Variants in PPP2R2A observed in about 807,000 individuals in gnomAD.
PPP2R2A encodes the protein protein phosphatase 2 regulatory subunit Balpha, also known as serine/threonine-protein phosphatase 2A 55 kDa regulatory subunit B alpha isoform.
Under a neutral mutation model 53.2 loss-of-function variants are expected in PPP2R2A, and 9 were observed. That is an observed-to-expected ratio of 0.17 (90% CI 0.10 to 0.30). The LOEUF (loss-of-function observed/expected upper bound fraction) is 0.30. Among genes scored for constraint, PPP2R2A ranks in the 10% least tolerant of loss-of-function variants. The pLI is 1.00. For missense variants in PPP2R2A, 235 were observed against 534.6 expected, an observed-to-expected ratio of 0.44 and a Z score of 5.53; for synonymous variants, 169 against 174.2, an observed-to-expected ratio of 0.97 and a Z score of 0.23.
intron 4 of PPP2R2A, among the ~76,000 whole-genome samples, chr8:26,356,393 G>C (rs117001290): frequency 6.6e-6 from 1 of 152,208 alleles, no homozygotes; most frequent in Non-Finnish European, 1.5e-5. Context: ...CGTACCCTCT[G>C]CCTTCTCTGT....
At chr8:26,292,044 CG>C in intron 1 of PPP2R2A, 1 of 738,326 alleles carries the variant, frequency 1.4e-6, no homozygotes, top group East Asian at 2.0e-4. Flanking sequence ...GGGCTGGCGC[CG>C]TGGCGGGGGT....
rs979673760 is a variant in PPP2R2A at position 26,370,059 on chromosome 8, A to G, written c.1065-75A>G. The stretch of plus-strand genomic sequence containing the variant: ...CTTTTGAAGTAGCTTCCTATGGTTT[A>G]ATTGCCGAATCATTTTACTTGAAAA... On this transcript the variant is annotated intron_variant, in intron 9 of 9. Transcript: ENST00000380737. The surrounding 1 kb of genome is among the most constrained non-coding windows in gnomAD (Gnocchi z 6.1). 2.0e-6 allele frequency: 3 copies of G among 1,473,262 alleles called. No individual in the cohort carries two copies. Among genetic ancestry groups the G allele is most frequent in the Non-Finnish European group, 2.8e-6 (3 of 1,074,620 alleles). 91.3% of individuals were successfully genotyped at this position (1,473,262 alleles called of 1,614,324 possible).
chr8:26,305,100 A>G (rs1472465334), intron 2 of PPP2R2A, among the ~76,000 whole-genome samples: 1 of 152,094 alleles, frequency 6.6e-6, no homozygotes, highest in Non-Finnish European at 1.5e-5. Flanking sequence ...AGCTCTTGGC[A>G]GCTACCATTC....
rs368885297 is a variant in PPP2R2A at position 26,306,901 on chromosome 8, C to T, written c.82+13161C>T. ...ATGTATGCTTCTCTCTTCTTTCTCC[C>T]AGTTTCTTCGTCCTCTCACCAGAGA... On this transcript the variant is annotated intron_variant, in intron 2 of 9. Transcript: ENST00000380737. 3.0e-4 allele frequency among the ~76,000 whole-genome samples: 46 copies of T among 152,302 alleles called. No individual in the cohort carries two copies. The East Asian group carries it at 7.7e-3, about 26-fold the overall frequency.
At chr8:26,301,144 A>G (rs7843535) in intron 2 of PPP2R2A, among the ~76,000 whole-genome samples, 2 of 152,096 alleles carry the variant, frequency 1.3e-5, no homozygotes, top group Admixed American at 6.6e-5. Flanking sequence ...TCCTAATATA[A>G]TTTTATTTCA....
chr8:26,362,866 T>G lies in PPP2R2A; in HGVS notation c.802+18T>G, dbSNP rs757544150. 2.5e-6 allele frequency: 4 copies of G among 1,601,970 alleles called. No individual in the cohort carries two copies. Among genetic ancestry groups the G allele is most frequent in the South Asian group, 2.2e-5 (2 of 90,584 alleles). ...TTCTAAATGTAAGTTTATTGTATCT[T>G]TCCTTAAAATGATTACATATTCTGT... On this transcript the variant is annotated intron_variant, in intron 7 of 9. Transcript: ENST00000380737. The surrounding 1 kb of genome is among the most constrained non-coding windows in gnomAD (Gnocchi z 4.4).
chr8:26,300,226 C>T (rs1660704878), intron 2 of PPP2R2A, among the ~76,000 whole-genome samples: 1 of 152,064 alleles, frequency 6.6e-6, no homozygotes, highest in South Asian at 2.1e-4. Context: ...TCTTAGTACT[C>T]TGTAATAGTG....
In PPP2R2A at chr8:26,353,403, ATGATTCAGTGAAGTTTCCTTT is replaced by A. The variant is rs1249125968; in HGVS notation, c.181-1060_181-1040del. Among the ~76,000 whole-genome samples the A allele has an allele frequency of 2.0e-5, 3 of 152,236 alleles. No homozygotes were observed. The East Asian group carries it at 5.8e-4, about 29-fold the overall frequency. ...ACAACCCAAAACATAGACTTTCAAG[ATGATTCAGTGAAGTTTCCTTT>A]TGATATGGAGAATAGTAATAGGCTG... On this transcript the variant is annotated intron_variant, in intron 3 of 9. Coordinates refer to ENST00000380737, the MANE Select transcript of PPP2R2A (RefSeq NM_002717.4).
At chr8:26,328,010 C>T (rs1308363956) in intron 2 of PPP2R2A, among the ~76,000 whole-genome samples, 3 of 152,174 alleles carry the variant, frequency 2.0e-5, no homozygotes, top group Non-Finnish European at 4.4e-5. Flanking sequence ...GCTGTGTTCT[C>T]ACCCACTCCT....
At chr8:26,323,337 A>G (rs1429223431) in intron 2 of PPP2R2A, among the ~76,000 whole-genome samples, 1 of 152,244 alleles carries the variant, frequency 6.6e-6, no homozygotes, top group African/African-American at 2.4e-5. Context: ...ACATCAAGCA[A>G]GCAATCAGTT....
intron 2 of PPP2R2A, among the ~76,000 whole-genome samples, chr8:26,296,136 G>A (rs1801530453): frequency 1.3e-5 from 2 of 152,178 alleles, no homozygotes; most frequent in Non-Finnish European, 1.5e-5. Context: ...CCCTCATCCA[G>A]ATTGCAGTAA....
intron 9 of PPP2R2A, among the ~76,000 whole-genome samples, chr8:26,368,899 G>A (rs1323022800): frequency 6.6e-6 from 1 of 152,036 alleles, no homozygotes; most frequent in Non-Finnish European, 1.5e-5. Flanking sequence ...GAGGTCAGGA[G>A]ATTGAGACCA....
At chr8:26,324,199 TCAC>T (rs1328131058) in intron 2 of PPP2R2A, among the ~76,000 whole-genome samples, 3 of 152,234 alleles carry the variant, frequency 2.0e-5, no homozygotes, top group African/African-American at 7.2e-5. Context: ...TCTGCCTAAG[TCAC>T]CACCTCAGAG....
intron 2 of PPP2R2A, among the ~76,000 whole-genome samples, chr8:26,335,879 G>A (rs1355679278): frequency 2.6e-5 from 4 of 152,120 alleles, no homozygotes; most frequent in Middle Eastern, 3.2e-3. Context: ...ATCACTGTAC[G>A]CTAAAAATGT....
chr8:26,291,722 C>G lies in PPP2R2A; in HGVS notation c.-98C>G. The G allele has an allele frequency of 7.8e-7, 1 of 1,289,508 alleles. No homozygotes were observed. The allele number at this position is 1,289,508 out of a possible 1,614,324, so 79.9% of individuals were successfully genotyped here. A position where few individuals can be genotyped will look rare whatever the true frequency, so the allele number is the denominator to read the frequency against. ...TCCCCCCGCAGGTGCCATCCGCCGC[C>G]ATCCGCCCTCTCTACCCCCCCATCC... On this transcript the variant is annotated 5_prime_UTR_variant, in exon 1 of 10. Transcript: ENST00000380737.
chr8:26,324,531 C>G (rs528637704), intron 2 of PPP2R2A, among the ~76,000 whole-genome samples: 3 of 152,326 alleles, frequency 2.0e-5, no homozygotes, highest in East Asian at 3.9e-4. Flanking sequence ...GATGCCCAGA[C>G]AGAAGTCTGC....
intron 3 of PPP2R2A, among the ~76,000 whole-genome samples, chr8:26,346,958 T>G (rs922649319): frequency 1.3e-5 from 2 of 152,222 alleles, no homozygotes; most frequent in Non-Finnish European, 2.9e-5. Context: ...TGCATTTACC[T>G]GCATCATGTT....
chr8:26,353,665 T>A (rs1804628968), intron 3 of PPP2R2A, among the ~76,000 whole-genome samples: 1 of 152,246 alleles, frequency 6.6e-6, no homozygotes, highest in Non-Finnish European at 1.5e-5. Context: ...TTCTCACTTT[T>A]GCTGAGATAT....
chr8:26,371,959 ATTTT>A lies in PPP2R2A; in HGVS notation c.*1547_*1550del, dbSNP rs1308713335. ...TATATTATTAGAGAATGGTAGTCTT[ATTTT>A]GGTGGAACATAATGTAACAACCTTG... On this transcript the variant is annotated 3_prime_UTR_variant, in exon 10 of 10. Coordinates refer to ENST00000380737, the MANE Select transcript of PPP2R2A (RefSeq NM_002717.4). 1 of 152,168 alleles carries A rather than the reference ATTTT, an allele frequency of 6.6e-6. No homozygotes were observed. The highest frequency in any genetic ancestry group is 1.5e-5 in the Non-Finnish European group (1 of 68,010). The allele number at this position is 152,168 out of a possible 1,614,324, so 9.4% of individuals were successfully genotyped here. A position where few individuals can be genotyped will look rare whatever the true frequency, so the allele number is the denominator to read the frequency against.
Sources: gnomAD v4.1 joint callset for allele counts (sites outside exome capture counted in the v4.1 genomes callset) on GRCh38, gnomAD v4.1.1 for gene constraint, Gnocchi (gnomAD v3.1) non-coding constraint, MANE v1.5 for transcripts, NCBI Gene and HGNC (gene_info 2026-07-23, HGNC 2026-07-21) for gene names.